Variants in PRKG1 observed in about 807,000 individuals in gnomAD.
PRKG1 encodes cGMP-dependent protein kinase 1.
In PRKG1, 35 loss-of-function variants were observed where a neutral mutation model predicts 88.1. That is an observed-to-expected ratio of 0.40 (90% confidence interval 0.30 to 0.53). The LOEUF (loss-of-function observed/expected upper bound fraction) is 0.53, where lower values mean the gene tolerates loss of function less well. PRKG1 is among the 20% of genes least tolerant of loss of function. The pLI, the probability that PRKG1 is intolerant of heterozygous loss-of-function variation, is 0.59. For synonymous variants in PRKG1, 303 were observed against 292.5 expected, an observed-to-expected ratio of 1.04 and a Z score of -0.37; for missense variants, 540 against 839.8, an observed-to-expected ratio of 0.64 and a Z score of 4.41.
At chr10:51,969,571 A>G (rs920272377) in intron 5 of PRKG1, among the ~76,000 whole-genome samples, 3 of 152,144 alleles carry the variant, frequency 2.0e-5, no homozygotes, top group African/African-American at 7.2e-5. Flanking sequence ...CAATAAGAAA[A>G]AGACAATCCT....
rs905761073 is a variant in PRKG1 at position 51,661,273 on chromosome 10, C to T, written c.593-143312C>T. 4.6e-5 allele frequency among the ~76,000 whole-genome samples: 7 copies of T among 152,184 alleles called. No homozygotes were observed. The South Asian group carries it at 1.0e-3, about 22-fold the overall frequency. On this transcript the variant is annotated intron_variant, in intron 3 of 17. Transcript: ENST00000373980. ...CCCCTACTTACAGTTGATCCAAAAA[C>T]CATTGCTTCCAGTGTGTTTGGTTAT...
rs1028294328 is a variant in PRKG1 at position 51,844,354 on chromosome 10, C to T, written c.698+39664C>T. On this transcript the variant is annotated intron_variant, in intron 4 of 17. Coordinates refer to ENST00000373980, the MANE Select transcript of PRKG1 (RefSeq NM_006258.4). ...ATGGAAATTAAGAATAAAAATTATA[C>T]TAGTAAGAGGGTTGAAAGATTAAGA... Among the ~76,000 whole-genome samples the T allele has an allele frequency of 4.6e-5, 7 of 152,044 alleles. No homozygotes were observed. The East Asian group carries it at 1.4e-3, about 29-fold the overall frequency.
chr10:51,054,564 A>G (rs1843605051), intron 1 of PRKG1, among the ~76,000 whole-genome samples: 2 of 152,166 alleles, frequency 1.3e-5, no homozygotes, highest in Non-Finnish European at 2.9e-5. Flanking sequence ...AGTAATTGTT[A>G]TTATAACCTT....
chr10:52,054,469 G>T lies in PRKG1; in HGVS notation c.763-15G>T, dbSNP rs1904010. The stretch of plus-strand genomic sequence containing the variant: ...TGCTTGCTTAATTTTTTTTCTTATT[G>T]TTTCTACTTTTCAGACCCACTATGA... On this transcript the variant is annotated splice_polypyrimidine_tract_variant and intron_variant, in intron 5 of 17. Coordinates refer to ENST00000373980, the MANE Select transcript of PRKG1 (RefSeq NM_006258.4). 0.36 allele frequency: 579,520 copies of T among 1,603,048 alleles called. 107,008 individuals carry two copies. The highest frequency in any genetic ancestry group is 0.38 in the Non-Finnish European group (444,360 of 1,171,596).
At chr10:51,426,734 G>A (rs1182557218) in intron 2 of PRKG1, among the ~76,000 whole-genome samples, 1 of 152,022 alleles carries the variant, frequency 6.6e-6, no homozygotes, top group Non-Finnish European at 1.5e-5. Context: ...GTATTCATAT[G>A]CATGTTTGTC....
chr10:52,288,222 C>A (rs546820242), intron 14 of PRKG1, among the ~76,000 whole-genome samples: 1 of 152,164 alleles, frequency 6.6e-6, no homozygotes, highest in African/African-American at 2.4e-5. Context: ...ATGGGAAGAA[C>A]CTTCCAGACC....
chr10:51,099,222 A>C (rs1433207577), intron 1 of PRKG1, among the ~76,000 whole-genome samples: 1 of 152,124 alleles, frequency 6.6e-6, no homozygotes, highest in East Asian at 1.9e-4. Context: ...ATGAATCCTC[A>C]TTCCTAAGGA....
At chr10:52,231,885 A>G (rs183388032) in intron 9 of PRKG1, among the ~76,000 whole-genome samples, 120 of 152,322 alleles carry the variant, frequency 7.9e-4, no homozygotes, top group Admixed American at 3.4e-3. Flanking sequence ...TATTGGAAAC[A>G]GATTTGAACC....
chr10:52,205,294 C>T (rs1839790324), intron 9 of PRKG1, among the ~76,000 whole-genome samples: 1 of 152,156 alleles, frequency 6.6e-6, no homozygotes, highest in Admixed American at 6.5e-5. Context: ...TACACTCCCT[C>T]CCCTTTGAAA....
At chr10:51,025,055 G>C (rs1280732828) in intron 1 of PRKG1, among the ~76,000 whole-genome samples, 1 of 152,154 alleles carries the variant, frequency 6.6e-6, no homozygotes. Flanking sequence ...ACTGGGTGCA[G>C]GCTAAAAACC....
At chr10:51,597,078 A>G (rs1012218017) in intron 3 of PRKG1, among the ~76,000 whole-genome samples, 2 of 152,210 alleles carry the variant, frequency 1.3e-5, no homozygotes, top group Admixed American at 6.5e-5. Context: ...GGTTAGGAAA[A>G]GTATATTTTT....
chr10:52,276,371 G>A (rs1841874817), intron 12 of PRKG1, among the ~76,000 whole-genome samples: 1 of 152,120 alleles, frequency 6.6e-6, no homozygotes. Context: ...ACATACTTCA[G>A]GTTCATACAC....
At chr10:51,474,050 A>G (rs1840126009) in intron 3 of PRKG1, among the ~76,000 whole-genome samples, 2 of 152,032 alleles carry the variant, frequency 1.3e-5, no homozygotes, top group Admixed American at 1.3e-4. Flanking sequence ...ATTCCTAATG[A>G]ATGTTTCCAC....
intron 5 of PRKG1, among the ~76,000 whole-genome samples, chr10:51,993,707 G>T (rs1448974762): frequency 6.6e-6 from 1 of 152,186 alleles, no homozygotes; most frequent in African/African-American, 2.4e-5. Flanking sequence ...TCACTATAGA[G>T]TTTCATGCAG....
At chr10:51,029,622 A>C (rs1447929232) in intron 1 of PRKG1, among the ~76,000 whole-genome samples, 1 of 152,132 alleles carries the variant, frequency 6.6e-6, no homozygotes, top group African/African-American at 2.4e-5. Flanking sequence ...TAGACCTCAA[A>C]AATTAGGTTC....
intron 3 of PRKG1, among the ~76,000 whole-genome samples, chr10:51,715,778 G>GA (rs992176343): frequency 1.3e-5 from 2 of 152,004 alleles, no homozygotes; most frequent in African/African-American, 4.8e-5. Flanking sequence ...AAGTCAGAAT[G>GA]AAAAAAATGT....
chr10:51,573,715 T>G (rs1324693427), intron 3 of PRKG1, among the ~76,000 whole-genome samples: 4 of 151,890 alleles, frequency 2.6e-5, no homozygotes, highest in Admixed American at 2.6e-4. Context: ...CTATGGAGTC[T>G]TAGTTACTCT....
chr10:51,463,526 A>C (rs1839799989), intron 2 of PRKG1, among the ~76,000 whole-genome samples: 1 of 152,254 alleles, frequency 6.6e-6, no homozygotes, highest in South Asian at 2.1e-4. Context: ...AAGGGAGTAT[A>C]AAACTAAAGG....
intron 9 of PRKG1, among the ~76,000 whole-genome samples, chr10:52,221,709 A>G (rs761090073): frequency 6.6e-6 from 1 of 152,194 alleles, no homozygotes; most frequent in Non-Finnish European, 1.5e-5. Context: ...ACATACACAA[A>G]CAAGATGATA....
Sources: gnomAD v4.1 joint callset for allele counts (sites outside exome capture counted in the v4.1 genomes callset) on GRCh38, gnomAD v4.1.1 for gene constraint, MANE v1.5 for transcripts, NCBI Gene and HGNC (gene_info 2026-07-23, HGNC 2026-07-21) for gene names.